RELN: variants seen among roughly 807,000 people sequenced by gnomAD.
The protein encoded by RELN is reelin.
Under a neutral mutation model 427.6 loss-of-function variants are expected in RELN, and 108 were observed. That is an observed-to-expected ratio of 0.25 (90% confidence interval 0.22 to 0.30). The LOEUF (loss-of-function observed/expected upper bound fraction) is 0.30. Ranked by LOEUF, RELN falls within the 10% of genes least tolerant of loss-of-function variation. The pLI, the probability that RELN is intolerant of heterozygous loss-of-function variation, is 1.00. For missense variants in RELN, 3,715 were observed against 4,302.8 expected, an observed-to-expected ratio of 0.86 and a Z score of 3.82; for synonymous variants, 1,524 against 1,513.4, an observed-to-expected ratio of 1.01 and a Z score of -0.16.
In RELN at chr7:103,497,923, G is replaced by C; in HGVS notation, c.8847C>G (p.Phe2949Leu). 6.2e-7 allele frequency: 1 copy of C among 1,613,792 alleles called. No individual in the cohort carries two copies. The highest frequency in any genetic ancestry group is 8.5e-7 in the Non-Finnish European group (1 of 1,179,764). ...TQDLDLRGAK[F>L]LQYWGRIGSE... ...TACCGATGCGCCCCCAGTATTGCAG[G>C]AACCTGAATGCAAGCACATTTTATC... Residue 2949 changes from phenylalanine to leucine, a missense_variant, in exon 55 of 65, where the codon TTC becomes TTG. Physicochemically the swap from Phe to Leu is conservative, Grantham distance 22 (BLOSUM62 0). Transcript: ENST00000428762.
chr7:103,958,871 T>C (rs767974198), intron 1 of RELN, among the ~76,000 whole-genome samples: 3 of 152,178 alleles, frequency 2.0e-5, no homozygotes, highest in Non-Finnish European at 2.9e-5. Context: ...CTGAGGCTAT[T>C]TCCTTTTCCA....
At chr7:103,884,470 G>C (rs541029702) in intron 2 of RELN, among the ~76,000 whole-genome samples, 2 of 152,240 alleles carry the variant, frequency 1.3e-5, no homozygotes, top group Admixed American at 1.3e-4. Flanking sequence ...CACAACAAAA[G>C]AAACTATCAT....
At chr7:103,909,100 T>C (rs1172321256) in intron 2 of RELN, among the ~76,000 whole-genome samples, 2 of 152,192 alleles carry the variant, frequency 1.3e-5, no homozygotes, top group African/African-American at 4.8e-5. Context: ...ACTTATACAA[T>C]ACTCTATTTA....
chr7:103,716,037 T>C (rs1789929083), intron 8 of RELN, among the ~76,000 whole-genome samples: 1 of 152,170 alleles, frequency 6.6e-6, no homozygotes, highest in Non-Finnish European at 1.5e-5. Context: ...ACAGCATTAG[T>C]ATCATTGTTG....
At chr7:103,524,867 T>A (rs1482920633) in intron 46 of RELN, among the ~76,000 whole-genome samples, 1 of 152,130 alleles carries the variant, frequency 6.6e-6, no homozygotes, top group Non-Finnish European at 1.5e-5. Context: ...CTTTGGCATG[T>A]TCCCCCAGCA....
chr7:103,592,745 A>C (rs1027476291), intron 27 of RELN, among the ~76,000 whole-genome samples: 1 of 152,230 alleles, frequency 6.6e-6, no homozygotes, highest in Non-Finnish European at 1.5e-5. Context: ...AAGGTGTCAG[A>C]TGAGAAACAG....
At chr7:103,478,454 C>G in intron 63 of RELN, 60 bp from the exon 64 acceptor site, 1 of 729,470 alleles carries the variant, frequency 1.4e-6, no homozygotes, top group Non-Finnish European at 2.5e-6. Flanking sequence ...AAATGCCTTT[C>G]AATGCATGCA....
At chr7:103,909,648 A>G (rs1279871745) in intron 2 of RELN, among the ~76,000 whole-genome samples, 1 of 116,354 alleles carries the variant, frequency 8.6e-6, no homozygotes, top group Non-Finnish European at 1.6e-5. Context: ...ATAAATATAT[A>G]TATTTAATAT....
intron 2 of RELN, among the ~76,000 whole-genome samples, chr7:103,848,597 G>T (rs1329119819): frequency 2.0e-5 from 3 of 152,118 alleles, no homozygotes; most frequent in African/African-American, 7.2e-5. Flanking sequence ...AGGTCACATT[G>T]CACTCTTCAA....
At chr7:103,521,131 C>T (rs914265179) in intron 48 of RELN, among the ~76,000 whole-genome samples, 8 of 150,294 alleles carry the variant, frequency 5.3e-5, no homozygotes, top group African/African-American at 7.3e-5. Flanking sequence ...CGCCCGCCAC[C>T]GCGCCCGGCT....
At chr7:103,861,491 G>A (rs963184511) in intron 2 of RELN, among the ~76,000 whole-genome samples, 2 of 152,144 alleles carry the variant, frequency 1.3e-5, no homozygotes, top group Non-Finnish European at 2.9e-5. Flanking sequence ...AGAGTGGCAC[G>A]CTGCCTGACT....
chr7:103,844,640 G>C (rs1793632071), intron 2 of RELN, among the ~76,000 whole-genome samples: 1 of 152,020 alleles, frequency 6.6e-6, no homozygotes, highest in Non-Finnish European at 1.5e-5. Context: ...AATTTTTAGT[G>C]GTGTGATCTT....
Position 103,603,604 on chromosome 7 carries a change from C to T in RELN, c.3147-114G>A, listed in dbSNP as rs1831732780. The T allele has an allele frequency of 1.2e-6, 1 of 809,484 alleles. No individual in the cohort carries two copies. Among genetic ancestry groups the T allele is most frequent in the Admixed American group, 1.9e-5 (1 of 52,464 alleles). The allele number at this position is 809,484 out of a possible 1,614,324, so 50.1% of individuals were successfully genotyped here. A position where few individuals can be genotyped will look rare whatever the true frequency, so the allele number is the denominator to read the frequency against. The stretch of plus-strand genomic sequence containing the variant: ...TTTTGCTCAGGTCTTATCATTCACA[C>T]TAGATTCTTCCCTACAGTGTTAATC... On this transcript the variant is annotated intron_variant, in intron 23 of 64. Coordinates refer to ENST00000428762, the MANE Select transcript of RELN (RefSeq NM_005045.4). The surrounding 1 kb of genome is among the most constrained non-coding windows in gnomAD (Gnocchi z 4.3).
chr7:103,940,933 C>T (rs1467397884), intron 1 of RELN, among the ~76,000 whole-genome samples: 1 of 152,082 alleles, frequency 6.6e-6, no homozygotes, highest in East Asian at 1.9e-4. Flanking sequence ...TTTTGGATTC[C>T]ATCCAAGCCT....
rs965360776 is a variant in RELN, at chr7:103,528,780, C to T, written c.7350-5249G>A. On this transcript the variant is annotated intron_variant, in intron 46 of 64. Transcript: ENST00000428762. ...ATGACTTGAGGTGATTCGCCTGCCT[C>T]GACCTCCCAAAGTGTTGAGATTACA... Among the ~76,000 whole-genome samples the T allele has an allele frequency of 1.5e-4, 22 of 151,260 alleles. No individual in the cohort carries two copies. The South Asian group carries it at 3.8e-3, about 26-fold the overall frequency.
intron 11 of RELN, among the ~76,000 whole-genome samples, chr7:103,668,638 AT>A (rs759799879): frequency 8.5e-5 from 13 of 152,242 alleles, no homozygotes; most frequent in Non-Finnish European, 1.9e-4. Context: ...TTTTAAAAAA[AT>A]TTTAACAGAT....
intron 16 of RELN, among the ~76,000 whole-genome samples, chr7:103,650,027 C>G (rs933302118): frequency 8.0e-5 from 12 of 150,096 alleles, no homozygotes; most frequent in African/African-American, 2.2e-4. Flanking sequence ...AGGTTTTATG[C>G]ATTTTTTATT....
intron 1 of RELN, among the ~76,000 whole-genome samples, chr7:103,937,973 A>T (rs913942610): frequency 4.0e-4 from 61 of 152,184 alleles, no homozygotes; most frequent in Admixed American, 1.4e-3. Flanking sequence ...TTGTGAATGA[A>T]TTTTTTATTT....
At chr7:103,765,955 T>A (rs370086770) in intron 4 of RELN, among the ~76,000 whole-genome samples, 3 of 152,206 alleles carry the variant, frequency 2.0e-5, no homozygotes, top group African/African-American at 4.8e-5. Context: ...ATTAAAAGAA[T>A]AATCAGACCC....
Sources: gnomAD v4.1 joint callset for allele counts (sites outside exome capture counted in the v4.1 genomes callset) on GRCh38, gnomAD v4.1.1 for gene constraint, Gnocchi (gnomAD v3.1) non-coding constraint, MANE v1.5 for transcripts, NCBI Gene and HGNC (gene_info 2026-07-23, HGNC 2026-07-21) for gene names.